C19orf38: variants seen among roughly 807,000 people sequenced by gnomAD.
C19orf38 encodes protein HIDE1.
Under a neutral mutation model 26.6 loss-of-function variants are expected in C19orf38, and 14 were observed. The observed-to-expected ratio is 0.53, with a 90% CI of 0.35 to 0.82. C19orf38 has a LOEUF of 0.82. Ranked by LOEUF, C19orf38 falls within the 40% of genes least tolerant of loss-of-function variation. The pLI is 0.01. For synonymous variants in C19orf38, 132 were observed against 128.5 expected (o/e 1.03, Z -0.18); for missense variants, 261 against 299.5 (o/e 0.87, Z 0.95).
At chr19:10,837,194 AAAT>A (rs1332391945) in intron 1 of C19orf38, among the ~76,000 whole-genome samples, 2 of 152,210 alleles carry the variant, frequency 1.3e-5, no homozygotes, top group Non-Finnish European at 2.9e-5. Context: ...GGCCCTCAGT[AAAT>A]AATAATCTGT....
At chr19:10,848,198 A>G (rs1348823274), upstream of C19orf38, among the ~76,000 whole-genome samples, 1 of 152,150 alleles carries the variant, frequency 6.6e-6, no homozygotes, top group Non-Finnish European at 1.5e-5. Flanking sequence ...CTCAAAAAAT[A>G]AAAATAAAAA....
intron 2 of C19orf38, among the ~76,000 whole-genome samples, chr19:10,852,242 G>C (rs946334920): frequency 6.6e-6 from 1 of 152,124 alleles, no homozygotes; most frequent in African/African-American, 2.4e-5. Context: ...TGGGATTACA[G>C]ATGTGAGTCA....
intron 6 of C19orf38, among the ~76,000 whole-genome samples, chr19:10,866,800 C>T (rs1371107433): frequency 6.6e-6 from 1 of 151,936 alleles, no homozygotes; most frequent in East Asian, 1.9e-4. Flanking sequence ...GATACCACAC[C>T]TAGCTAATGT....
At chr19:10,860,883 G>T (rs886509257) in intron 5 of C19orf38, among the ~76,000 whole-genome samples, 5 of 147,398 alleles carry the variant, frequency 3.4e-5, no homozygotes, top group Non-Finnish European at 7.4e-5. Flanking sequence ...GGTGGCTCAC[G>T]CCTGTAATCC....
rs773244698 is a variant in C19orf38, at chr19:10,863,203, C to A, written c.539C>A (p.Ser180Tyr). The A allele has an allele frequency of 1.1e-4, 167 of 1,551,218 alleles. No homozygotes were observed. Among genetic ancestry groups the A allele is most frequent in the Non-Finnish European group, 1.4e-4 (161 of 1,146,762 alleles). ...MSFDNSLFTV[S>Y]AKTMPEEDPA... ...TTCGATAACTCCCTGTTTACCGTCTCCGCGGTGAGTGGTTCTTTTTCTTGG... is the reference window on the plus strand; with the variant it reads ...TTCGATAACTCCCTGTTTACCGTCTACGCGGTGAGTGGTTCTTTTTCTTGG... The change falls in exon 6 of 7, where the codon TCC becomes TAC. Residue 180 changes from serine (S) to tyrosine (Y), a missense_variant. Coordinates refer to ENST00000397820, the MANE Select transcript of C19orf38 (RefSeq NM_001136482.3).
intron 5 of C19orf38, chr19:10,860,217 A>T (rs1241185215): frequency 2.3e-6 from 1 of 437,482 alleles, no homozygotes; most frequent in African/African-American, 2.0e-5. Context: ...AGGTCCGACC[A>T]TTCTTCTTAC....
At chr19:10,865,573 A>G (rs1429794499) in intron 6 of C19orf38, among the ~76,000 whole-genome samples, 1 of 151,886 alleles carries the variant, frequency 6.6e-6, no homozygotes, top group Non-Finnish European at 1.5e-5. Flanking sequence ...TTGAGTCTGC[A>G]GTGAGCTATG....
upstream of C19orf38, among the ~76,000 whole-genome samples, chr19:10,844,504 A>G (rs1332796310): frequency 1.3e-5 from 2 of 150,988 alleles, no homozygotes; most frequent in Middle Eastern, 3.2e-3. Flanking sequence ...TGAGCTCAGG[A>G]GTTCATGACC....
chr19:10,838,759 G>A (rs573133124), intron 1 of C19orf38, among the ~76,000 whole-genome samples: 1 of 152,294 alleles, frequency 6.6e-6, no homozygotes, highest in Admixed American at 6.5e-5. Flanking sequence ...ATGAGCTGGT[G>A]AGGAGACTTA....
chr19:10,858,476 A>G (rs763614048), intron 4 of C19orf38, 133 bp downstream of exon 4: 2 of 841,746 alleles, frequency 2.4e-6, no homozygotes, highest in East Asian at 2.8e-5. Context: ...AACAGGAGCC[A>G]TTTATTAAGT....
intron 4 of C19orf38, among the ~76,000 whole-genome samples, chr19:10,859,384 A>ATATATT (rs1568337718): frequency 4.7e-5 from 1 of 21,062 alleles, no homozygotes; most frequent in Non-Finnish European, 8.7e-5. Flanking sequence ...ATATATATAT[A>ATATATT]TTTTTTTTTT....
intron 3 of C19orf38, among the ~76,000 whole-genome samples, chr19:10,856,827 C>CA (rs1164550032): frequency 3.9e-5 from 6 of 152,012 alleles, no homozygotes; most frequent in African/African-American, 9.7e-5. Context: ...TTTGGAGACT[C>CA]AGTCTGTCAC....
At chr19:10,844,964 C>G (rs982831509), upstream of C19orf38, among the ~76,000 whole-genome samples, 1 of 145,568 alleles carries the variant, frequency 6.9e-6, no homozygotes, top group South Asian at 2.2e-4. Context: ...TTGAGACCAG[C>G]TAGGCAATGT....
At chr19:10,867,672 A>G (rs1440280725) in intron 6 of C19orf38, among the ~76,000 whole-genome samples, 3 of 56,552 alleles carry the variant, frequency 5.3e-5, no homozygotes, top group Admixed American at 2.7e-4. Flanking sequence ...TTTTTTTTTG[A>G]GACAGTGTCT....
chr19:10,868,112 C>T (rs1235949217), intron 6 of C19orf38, among the ~76,000 whole-genome samples: 1 of 152,144 alleles, frequency 6.6e-6, no homozygotes, highest in Admixed American at 6.5e-5. Context: ...TTTGGAGTCT[C>T]TGCTTTCACT....
At position 10,860,343 on chromosome 19, in the gene C19orf38, C is replaced by T. The variant is rs551834671; in HGVS notation, c.505+385C>T. ...GGTCAGGAATTCGAGATCAGCCTGG[C>T]CAACATAGTGAAACCCCGTCTCTAC... On this transcript the variant is annotated intron_variant, in intron 5 of 6. Transcript: ENST00000397820. 4.0e-5 allele frequency among the ~76,000 whole-genome samples: 6 copies of T among 151,628 alleles called. No individual in the cohort carries two copies. In the South Asian group the frequency reaches 1.3e-3, roughly 32 times the overall value.
chr19:10,859,318 GTGTGTGTA>G (rs2073667045), intron 4 of C19orf38, among the ~76,000 whole-genome samples: 1 of 139,746 alleles, frequency 7.2e-6, no homozygotes. Flanking sequence ...ATGTATGTGT[GTGTGTGTA>G]TGTATGTGTG....
intron 6 of C19orf38, among the ~76,000 whole-genome samples, chr19:10,866,886 C>G (rs2073757170): frequency 6.6e-6 from 1 of 152,036 alleles, no homozygotes; most frequent in South Asian, 2.1e-4. Context: ...GGTGATCCAC[C>G]CACCTCAACC....
intron 2 of C19orf38, among the ~76,000 whole-genome samples, chr19:10,855,194 G>A (rs2073611668): frequency 6.6e-6 from 1 of 151,374 alleles, no homozygotes; most frequent in Non-Finnish European, 1.5e-5. Flanking sequence ...CGTAACACCT[G>A]GCTAATTTTT....
Sources: gnomAD v4.1 joint callset for allele counts (sites outside exome capture counted in the v4.1 genomes callset) on GRCh38, gnomAD v4.1.1 for gene constraint, MANE v1.5 for transcripts, NCBI Gene and HGNC (gene_info 2026-07-23, HGNC 2026-07-21) for gene names.